The following GDAP1 variants were observed in gnomAD, a reference collection of about 807,000 sequenced individuals.
GDAP1 encodes ganglioside induced differentiation associated protein 1, also known as ganglioside-induced differentiation-associated protein 1.
In GDAP1, 34 loss-of-function variants were observed where a neutral mutation model predicts 40.1. The observed-to-expected ratio is 0.85, with a 90% CI of 0.64 to 1.13. GDAP1 has a LOEUF of 1.13. Ranked by LOEUF, GDAP1 falls within the 50% of genes most tolerant of loss-of-function variation. The pLI, the probability that GDAP1 is intolerant of heterozygous loss-of-function variation, is 0.00. For missense variants in GDAP1, 374 were observed against 433.7 expected, an observed-to-expected ratio of 0.86 and a Z score of 1.22; for synonymous variants, 170 against 157.4, an observed-to-expected ratio of 1.08 and a Z score of -0.60.
chr8:74,364,675 G>A lies in GDAP1; in HGVS notation c.*308G>A, dbSNP rs1240401748. The stretch of plus-strand genomic sequence containing the variant: ...TCGGGTGCCTCCAACGTTCATGGCT[G>A]CCTGTCTCATTGGTAAACCTCACAT... On this transcript the variant is annotated 3_prime_UTR_variant, in exon 6 of 6. Transcript: ENST00000220822. The A allele has an allele frequency of 1.2e-5, 6 of 506,324 alleles. No individual in the cohort carries two copies. The highest frequency in any genetic ancestry group is 9.2e-5 in the South Asian group (6 of 64,968). 31.4% of individuals were successfully genotyped at this position (506,324 alleles called of 1,614,324 possible).
intron 2 of GDAP1, among the ~76,000 whole-genome samples, chr8:74,427,328 G>C (rs1344226568): frequency 2.0e-5 from 3 of 152,040 alleles, no homozygotes; most frequent in African/African-American, 7.3e-5. Context: ...AGCTCAACCC[G>C]GCCCAATTTC....
chr8:74,362,082 A>G (rs1056785757), intron 4 of GDAP1, 104 bp downstream of exon 4: 6 of 725,112 alleles, frequency 8.3e-6, no homozygotes, highest in African/African-American at 1.8e-5. Flanking sequence ...TAAATATTGC[A>G]GTTCACCAGT....
intron 2 of GDAP1, among the ~76,000 whole-genome samples, chr8:74,355,884 A>C (rs1173190710): frequency 1.3e-5 from 2 of 152,136 alleles, no homozygotes; most frequent in Non-Finnish European, 2.9e-5. Flanking sequence ...TTCTAGTATG[A>C]TATTAAAATC....
chr8:74,461,606 G>A (rs1027504820), intron 2 of GDAP1, among the ~76,000 whole-genome samples: 2 of 152,142 alleles, frequency 1.3e-5, no homozygotes, highest in African/African-American at 2.4e-5. Flanking sequence ...CAGATGTTTG[G>A]CATCATCCAG....
At chr8:74,476,574 G>A (rs912000861) in intron 2 of GDAP1, among the ~76,000 whole-genome samples, 14 of 152,148 alleles carry the variant, frequency 9.2e-5, no homozygotes, top group African/African-American at 3.1e-4. Context: ...AGCTGTGGTT[G>A]GAATTTCTTT....
At chr8:74,441,258 T>C (rs1382411864) in intron 2 of GDAP1, among the ~76,000 whole-genome samples, 5 of 152,154 alleles carry the variant, frequency 3.3e-5, no homozygotes, top group Admixed American at 6.5e-5. Flanking sequence ...TTGTGCCTTT[T>C]GTTTATGACT....
chr8:74,401,426 G>A (rs978336874), intron 2 of GDAP1, among the ~76,000 whole-genome samples: 2 of 149,796 alleles, frequency 1.3e-5, no homozygotes, highest in East Asian at 1.9e-4. Flanking sequence ...GCACTTCTCT[G>A]TATTGGTTAT....
At chr8:74,419,435 T>C (rs1015085218) in intron 2 of GDAP1, among the ~76,000 whole-genome samples, 1 of 152,106 alleles carries the variant, frequency 6.6e-6, no homozygotes, top group Non-Finnish European at 1.5e-5. Context: ...TTACATTCCA[T>C]TTATATTACA....
chr8:74,351,956 A>G (rs181540219), intron 2 of GDAP1, among the ~76,000 whole-genome samples: 1 of 152,240 alleles, frequency 6.6e-6, no homozygotes, highest in Non-Finnish European at 1.5e-5. Flanking sequence ...CTAAGGAATT[A>G]TAGGGCTTAA....
chr8:74,363,478 GT>G (rs1809472614), intron 5 of GDAP1, among the ~76,000 whole-genome samples: 1 of 152,168 alleles, frequency 6.6e-6, no homozygotes, highest in South Asian at 2.1e-4. Context: ...TGGCTTCAGG[GT>G]TAAGCCATAG....
At chr8:74,379,218 T>C (rs10092584) in intron 2 of GDAP1, among the ~76,000 whole-genome samples, 45,115 of 150,824 alleles carry the variant, frequency 0.3, 8,243 homozygotes, top group Middle Eastern at 0.43. Context: ...AACCCTCATA[T>C]GAATTTCCTG....
At chr8:74,462,602 A>G (rs1284309966) in intron 2 of GDAP1, among the ~76,000 whole-genome samples, 1 of 152,216 alleles carries the variant, frequency 6.6e-6, no homozygotes, top group Admixed American at 6.5e-5. Context: ...ATTAATGATC[A>G]ACTGTCAATA....
intron 2 of GDAP1, among the ~76,000 whole-genome samples, chr8:74,439,028 G>GTA (rs1202758191): frequency 3.9e-5 from 5 of 127,422 alleles, no homozygotes; most frequent in South Asian, 3.2e-4. Flanking sequence ...ATGTGTATGT[G>GTA]TATATATATG....
At position 74,425,277 on chromosome 8, in the gene GDAP1, A is replaced by G. The variant is rs1208600259; in HGVS notation, c.166-63401A>G. Among the ~76,000 whole-genome samples the G allele has an allele frequency of 2.6e-5, 4 of 152,240 alleles. No homozygotes were observed. The East Asian group carries it at 7.7e-4, about 29-fold the overall frequency. ...AGTACCATTTTCAATGTCTCACATA[A>G]TATTATTCCTTTGTTACTTGGTCTA... On this transcript the variant is annotated intron_variant, in intron 2 of 2. Transcript: ENST00000523640.
At chr8:74,370,102 T>C (rs561679299), downstream of GDAP1, among the ~76,000 whole-genome samples, 98 of 152,256 alleles carry the variant, frequency 6.4e-4, no homozygotes, top group African/African-American at 2.1e-3. Flanking sequence ...TGATGGAGAA[T>C]GATACAAAAT....
intron 2 of GDAP1, among the ~76,000 whole-genome samples, chr8:74,413,325 T>G (rs1805738567): frequency 6.7e-6 from 1 of 149,712 alleles, no homozygotes; most frequent in South Asian, 2.1e-4. Context: ...GAAATACCAC[T>G]GAAGTGGTAG....
intron 2 of GDAP1, among the ~76,000 whole-genome samples, chr8:74,407,172 CTG>C (rs1805651357): frequency 6.7e-6 from 1 of 149,954 alleles, no homozygotes; most frequent in South Asian, 2.1e-4. Context: ...TGGCTCACCT[CTG>C]TGATCCCAGA....
chr8:74,406,305 G>A (rs1018232273), intron 2 of GDAP1, among the ~76,000 whole-genome samples: 6 of 150,292 alleles, frequency 4.0e-5, no homozygotes, highest in South Asian at 2.1e-4. Flanking sequence ...AAGACACTCC[G>A]TGCCATTTAA....
In GDAP1 at chr8:74,364,010, C is replaced by A. The variant is rs367790253; in HGVS notation, c.720C>A (p.Cys240Ter). The stretch of plus-strand genomic sequence containing the variant: ...AAGAGGGCCAGCAACCTTGGCTCTG[C>A]GGTGAATCCTTCACCCTGGCAGACG... ...TPEEGQQPWL[C>*]GESFTLADVS... The change falls in exon 6 of 6, where the codon TGC (cysteine) becomes TGA (stop). Residue 240 changes from cysteine to a stop codon, truncating the protein, a stop_gained. Coordinates refer to ENST00000220822, the MANE Select transcript of GDAP1 (RefSeq NM_018972.4). LOFTEE classifies it high-confidence loss of function. The A allele has an allele frequency of 6.2e-7, 1 of 1,613,706 alleles. No homozygotes were observed. Among genetic ancestry groups the A allele is most frequent in the East Asian group, 2.2e-5 (1 of 44,870 alleles).
Sources: allele counts gnomAD v4.1 joint callset (sites outside exome capture counted in the v4.1 genomes callset), GRCh38; gene constraint gnomAD v4.1.1; transcripts MANE v1.5; gene names NCBI Gene and HGNC (gene_info 2026-07-23, HGNC 2026-07-21).